RASEF: variants seen among roughly 807,000 people sequenced by gnomAD.
RASEF encodes ras and EF-hand domain-containing protein.
Under a neutral mutation model 90.1 loss-of-function variants are expected in RASEF, and 68 were observed. That is an observed-to-expected ratio of 0.75 (90% CI 0.62 to 0.92). The LOEUF (loss-of-function observed/expected upper bound fraction) is 0.92. Ranked by LOEUF, RASEF falls within the 40% of genes least tolerant of loss-of-function variation. The pLI, the probability that RASEF is intolerant of heterozygous loss-of-function variation, is 0.00. For missense variants in RASEF, 949 were observed against 937.2 expected (o/e 1.01, Z -0.16); for synonymous variants, 331 against 345.2 (o/e 0.96, Z 0.46).
chr9:83,179,421 C>T, the RASEF span, among the ~76,000 whole-genome samples: 1 of 152,158 alleles, frequency 6.6e-6, no homozygotes, highest in South Asian at 2.1e-4. Context: ...AGGCTGTTTC[C>T]TTCCTGAGTA....
the RASEF span, among the ~76,000 whole-genome samples, chr9:83,143,394 C>T: frequency 6.6e-6 from 1 of 151,602 alleles, no homozygotes; most frequent in African/African-American, 2.4e-5. Flanking sequence ...AACAAATAAC[C>T]CCATTAAAAA....
At chr9:83,097,367 C>G in the RASEF span, among the ~76,000 whole-genome samples, 1 of 152,120 alleles carries the variant, frequency 6.6e-6, no homozygotes, top group Non-Finnish European at 1.5e-5. Context: ...TCTAAAACAC[C>G]AAAAGCAATG....
At chr9:83,209,382 C>A in the RASEF span, among the ~76,000 whole-genome samples, 8 of 152,196 alleles carry the variant, frequency 5.3e-5, no homozygotes, top group African/African-American at 1.9e-4. Context: ...GGAGAATGTG[C>A]AGTCTGTATG....
the RASEF span, among the ~76,000 whole-genome samples, chr9:83,179,615 C>A: frequency 6.6e-6 from 1 of 152,102 alleles, no homozygotes; most frequent in South Asian, 2.1e-4. Context: ...ATCCTATCGA[C>A]CACAGTGCCT....
At chr9:83,188,934 C>T in the RASEF span, among the ~76,000 whole-genome samples, 1 of 152,182 alleles carries the variant, frequency 6.6e-6, no homozygotes, top group Non-Finnish European at 1.5e-5. Context: ...AGACCCCAGC[C>T]ACAGTTCTGT....
chr9:83,186,081 A>T, the RASEF span, among the ~76,000 whole-genome samples: 4 of 152,174 alleles, frequency 2.6e-5, 1 homozygote, highest in Non-Finnish European at 5.9e-5. Context: ...CTGAGCAACC[A>T]TTTGCATAAG....
At chr9:83,133,168 A>T in the RASEF span, among the ~76,000 whole-genome samples, 22 of 152,308 alleles carry the variant, frequency 1.4e-4, no homozygotes, top group East Asian at 4.1e-3. Context: ...TTTGAGAGGA[A>T]TGAAAGAATT....
At chr9:83,056,387 T>C (rs1830104434) in intron 1 of RASEF, among the ~76,000 whole-genome samples, 1 of 152,174 alleles carries the variant, frequency 6.6e-6, no homozygotes, top group South Asian at 2.1e-4. Context: ...TCAGAATAAA[T>C]ATTCTCTTCC....
the RASEF span, among the ~76,000 whole-genome samples, chr9:83,092,770 G>A: frequency 5.6e-4 from 85 of 152,244 alleles, no homozygotes; most frequent in African/African-American, 2.0e-3. Flanking sequence ...CCAGTGGTCT[G>A]CTTTGACCGG....
intron 7 of RASEF, 129 bp from the exon 8 acceptor site, chr9:83,005,629 C>G: frequency 2.9e-6 from 2 of 700,330 alleles, no homozygotes; most frequent in Non-Finnish European, 5.0e-6. Flanking sequence ...AACTTTCCAC[C>G]ACTTCCCTTC....
At chr9:83,080,090 A>G in the RASEF span, among the ~76,000 whole-genome samples, 3 of 152,378 alleles carry the variant, frequency 2.0e-5, no homozygotes, top group South Asian at 6.2e-4. Flanking sequence ...ATCCCTATTC[A>G]GTACCACATT....
the RASEF span, among the ~76,000 whole-genome samples, chr9:83,154,396 C>G: frequency 6.6e-6 from 1 of 152,174 alleles, no homozygotes; most frequent in African/African-American, 2.4e-5. Flanking sequence ...TTCTTCCCAG[C>G]ACTGAAAGTA....
At chr9:83,081,054 T>C in the RASEF span, among the ~76,000 whole-genome samples, 1,409 of 152,190 alleles carry the variant, frequency 9.3e-3, 8 homozygotes, top group Middle Eastern at 0.037. Context: ...CTAAGACCTT[T>C]CCTGTATTAG....
the RASEF span, among the ~76,000 whole-genome samples, chr9:83,167,364 CT>C: frequency 0.5 from 71,990 of 142,768 alleles, 17,884 homozygotes; most frequent in Middle Eastern, 0.62. Flanking sequence ...GTCTTTAGGC[CT>C]TTTTTTTTTT....
chr9:83,167,272 C>A, the RASEF span, among the ~76,000 whole-genome samples: 3 of 151,432 alleles, frequency 2.0e-5, no homozygotes, highest in Admixed American at 6.6e-5. Flanking sequence ...AGAAAGAAGA[C>A]CAGGCTTGAC....
intron 4 of RASEF, among the ~76,000 whole-genome samples, chr9:83,013,273 A>T (rs905428394): frequency 6.6e-6 from 1 of 152,230 alleles, no homozygotes; most frequent in African/African-American, 2.4e-5. Context: ...AATGGTAGGG[A>T]TCTGTTGGTA....
At chr9:83,079,088 C>T in the RASEF span, among the ~76,000 whole-genome samples, 106 of 152,194 alleles carry the variant, frequency 7.0e-4, no homozygotes, top group African/African-American at 2.1e-3. Flanking sequence ...TTGCTTTTGT[C>T]GCGATTGCTT....
intron 1 of RASEF, among the ~76,000 whole-genome samples, chr9:83,044,239 GAGA>G (rs548681724): frequency 3.9e-5 from 6 of 152,282 alleles, no homozygotes; most frequent in Non-Finnish European, 8.8e-5. Context: ...GAGAAGGAAG[GAGA>G]AGAAGAAGGG....
chr9:83,165,178 C>T, the RASEF span, among the ~76,000 whole-genome samples: 2 of 152,198 alleles, frequency 1.3e-5, no homozygotes, highest in African/African-American at 4.8e-5. Context: ...TTGTTAACTA[C>T]TTCACTTAAC....
Sources: gnomAD v4.1 joint callset for allele counts (sites outside exome capture counted in the v4.1 genomes callset) on GRCh38, gnomAD v4.1.1 for gene constraint, MANE v1.5 for transcripts, NCBI Gene and HGNC (gene_info 2026-07-23, HGNC 2026-07-21) for gene names.